The following TMC1 variants were observed in gnomAD, a reference collection of about 807,000 sequenced individuals.
The protein encoded by TMC1 is transmembrane channel like 1.
A neutral mutation model predicts 105.8 loss-of-function variants in TMC1; 84 were observed. The ratio of observed to expected loss-of-function variants is 0.79; its 90% CI spans 0.67 to 0.95. TMC1 has a LOEUF of 0.95. Among genes scored for constraint, TMC1 ranks in the 40% least tolerant of loss-of-function variants. The probability of loss-of-function intolerance (pLI) is 0.00; values close to 1 mark genes in which losing one functional copy is unlikely to be tolerated. For missense variants in TMC1, 817 were observed against 914.1 expected (o/e 0.89, Z 1.37); for synonymous variants, 315 against 311.5 (o/e 1.01, Z -0.12).
At chr9:72,536,344 T>G (rs1420142409) in intron 1 of TMC1, among the ~76,000 whole-genome samples, 1 of 152,134 alleles carries the variant, frequency 6.6e-6, no homozygotes, top group Non-Finnish European at 1.5e-5. Context: ...CAGACATTCT[T>G]TTTTTTGAGG....
rs375999048 is a variant in TMC1, at chr9:72,532,965, T to A, written c.-428+11052T>A. On this transcript the variant is annotated intron_variant, in intron 1 of 23. Coordinates refer to ENST00000297784, the MANE Select transcript of TMC1 (RefSeq NM_138691.3). ...GGCTCAGGCTACTTGGAGTAGAGGA[T>A]CCTGTTTCAGTGACAAACTGGCTCA... Among the ~76,000 whole-genome samples the A allele has an allele frequency of 1.4e-4, 22 of 152,286 alleles. 1 individual carries two copies. The South Asian group carries it at 4.6e-3, about 32-fold the overall frequency.
intron 4 of TMC1, among the ~76,000 whole-genome samples, chr9:72,634,358 A>G (rs949049014): frequency 2.6e-5 from 4 of 152,248 alleles, no homozygotes; most frequent in Non-Finnish European, 5.9e-5. Flanking sequence ...CTCTGGCTAC[A>G]TGATTCTTGA....
intron 8 of TMC1, among the ~76,000 whole-genome samples, chr9:72,703,832 C>G (rs1169742755): frequency 6.6e-6 from 1 of 152,228 alleles, no homozygotes; most frequent in Non-Finnish European, 1.5e-5. Context: ...GAAGTGGTTT[C>G]TGCCTTGTGG....
chr9:72,664,976 G>C (rs1393910908), intron 5 of TMC1, among the ~76,000 whole-genome samples: 1 of 152,092 alleles, frequency 6.6e-6, no homozygotes, highest in Non-Finnish European at 1.5e-5. Context: ...GCTCGCCCTG[G>C]CTCCTGCACC....
chr9:72,539,977 G>A (rs1823647283), intron 1 of TMC1, among the ~76,000 whole-genome samples: 1 of 152,226 alleles, frequency 6.6e-6, no homozygotes, highest in Non-Finnish European at 1.5e-5. Flanking sequence ...GAGCCTCCAT[G>A]TGCAGAGATC....
chr9:72,534,048 G>A (rs4072749), intron 1 of TMC1, among the ~76,000 whole-genome samples: 62,729 of 151,898 alleles, frequency 0.41, 13,138 homozygotes, highest in African/African-American at 0.46. Context: ...CAGGAGAATC[G>A]CTTAAACCTG....
chr9:72,554,589 C>T (rs925392686), intron 1 of TMC1, among the ~76,000 whole-genome samples: 2 of 152,146 alleles, frequency 1.3e-5, no homozygotes, highest in African/African-American at 4.8e-5. Context: ...TAACAGTGCA[C>T]TGAGAAGCAA....
intron 8 of TMC1, among the ~76,000 whole-genome samples, chr9:72,732,810 T>A (rs1360368698): frequency 6.6e-6 from 1 of 152,216 alleles, no homozygotes; most frequent in Non-Finnish European, 1.5e-5. Flanking sequence ...CTCAGTTTCC[T>A]TATCTCTGAG....
Position 72,546,429 on chromosome 9 carries a change from C to G in TMC1, c.-428+24516C>G, listed in dbSNP as rs146570042. On this transcript the variant is annotated intron_variant, in intron 1 of 23. Transcript: ENST00000297784. ...AATTCTTTGCTTTAGAGCAAGTACT[C>G]AGTTCTTGATTGAAGTGATTGAGGG... Among the ~76,000 whole-genome samples, 639 of 152,304 alleles carry G rather than the reference C, an allele frequency of 4.2e-3. 7 individuals are homozygous for G. The highest frequency in any genetic ancestry group is 0.015 in the African/African-American group (618 of 41,572).
intron 17 of TMC1, among the ~76,000 whole-genome samples, chr9:72,793,101 C>T (rs1828304072): frequency 6.6e-6 from 1 of 152,188 alleles, no homozygotes; most frequent in African/African-American, 2.4e-5. Context: ...ACACACAGAG[C>T]TATGTGGAGT....
At chr9:72,789,920 C>G (rs1246073524) in intron 15 of TMC1, among the ~76,000 whole-genome samples, 2 of 152,186 alleles carry the variant, frequency 1.3e-5, no homozygotes, top group Non-Finnish European at 2.9e-5. Context: ...TACTTTCTCT[C>G]CCTCTAAATG....
intron 2 of TMC1, among the ~76,000 whole-genome samples, chr9:72,585,741 A>G (rs7853366): frequency 0.58 from 87,875 of 152,038 alleles, 27,070 homozygotes; most frequent in African/African-American, 0.81. Flanking sequence ...GATGGTGTGC[A>G]GATAGGACCT....
intron 12 of TMC1, among the ~76,000 whole-genome samples, chr9:72,763,169 G>C (rs957751507): frequency 7.2e-6 from 1 of 139,844 alleles, no homozygotes; most frequent in Non-Finnish European, 1.5e-5. Flanking sequence ...CAAACCAAAA[G>C]TGAGCTTTTC....
intron 8 of TMC1, among the ~76,000 whole-genome samples, chr9:72,739,328 G>T (rs1827351117): frequency 6.6e-6 from 1 of 152,186 alleles, no homozygotes; most frequent in Admixed American, 6.5e-5. Context: ...ATACCATCAT[G>T]TTGGAGATTA....
In TMC1 at chr9:72,736,986, A is replaced by G. The variant is rs1054083391; in HGVS notation, c.363-3133A>G. ...ACAATAAATATGGCAGTTTACTTTG[A>G]AAAAGACCTAACGTTCCCTGTGGAA... On this transcript the variant is annotated intron_variant, in intron 8 of 23. Coordinates refer to ENST00000297784, the MANE Select transcript of TMC1 (RefSeq NM_138691.3). Among the ~76,000 whole-genome samples the G allele has an allele frequency of 9.2e-5, 14 of 152,202 alleles. 1 individual carries two copies. Among genetic ancestry groups the G allele is most frequent in the African/African-American group, 3.4e-4 (14 of 41,448 alleles).
intron 2 of TMC1, among the ~76,000 whole-genome samples, chr9:72,584,070 A>G (rs1824513574): frequency 6.6e-6 from 1 of 152,206 alleles, no homozygotes. Flanking sequence ...CTTACAGGCT[A>G]TAGAAGGAGA....
intron 11 of TMC1, 67 bp downstream of exon 11, chr9:72,752,023 T>G: frequency 9.9e-7 from 1 of 1,010,234 alleles, no homozygotes; most frequent in Non-Finnish European, 1.6e-6. Context: ...TATTTATCTC[T>G]TCTTTAAAGT....
chr9:72,560,841 AAACTT>A (rs1247169744), intron 1 of TMC1, among the ~76,000 whole-genome samples: 2 of 152,032 alleles, frequency 1.3e-5, no homozygotes, highest in Non-Finnish European at 2.9e-5. Flanking sequence ...TTCCTCAACT[AAACTT>A]CATTTTACCA....
At chr9:72,678,439 T>C (rs2132174483) in intron 5 of TMC1, among the ~76,000 whole-genome samples, 1 of 152,224 alleles carries the variant, frequency 6.6e-6, no homozygotes, top group South Asian at 2.1e-4. Context: ...CTTACGGGTT[T>C]GAATTCTAGT....
Sources: gnomAD v4.1 joint callset for allele counts (sites outside exome capture counted in the v4.1 genomes callset) on GRCh38, gnomAD v4.1.1 for gene constraint, MANE v1.5 for transcripts, NCBI Gene and HGNC (gene_info 2026-07-23, HGNC 2026-07-21) for gene names.